CYFIP1: variants seen among roughly 807,000 people sequenced by gnomAD.
The protein encoded by CYFIP1 is cytoplasmic FMR1-interacting protein 1.
CYFIP1 carries 58 observed loss-of-function variants against 163.5 expected under a neutral mutation model. The observed-to-expected ratio is 0.35, with a 90% CI of 0.29 to 0.44. The LOEUF (loss-of-function observed/expected upper bound fraction) is 0.44. CYFIP1 is among the 20% of genes least tolerant of loss of function. The pLI, the probability that CYFIP1 is intolerant of heterozygous loss-of-function variation, is 1.00. For missense variants in CYFIP1, 1,338 were observed against 1,653.8 expected, an observed-to-expected ratio of 0.81 and a Z score of 3.31; for synonymous variants, 663 against 660.7, an observed-to-expected ratio of 1.00 and a Z score of -0.05.
At chr15:22,931,378 A>G (rs550442219) in intron 11 of CYFIP1, among the ~76,000 whole-genome samples, 5 of 152,216 alleles carry the variant, frequency 3.3e-5, no homozygotes, top group African/African-American at 9.6e-5. Context: ...GGAAGGAACT[A>G]AAGAGAAAGC....
rs1046574792 is a variant in CYFIP1 at position 22,915,142 on chromosome 15, T to G, written c.1829-260A>C. On this transcript the variant is annotated intron_variant, in intron 16 of 30. Coordinates refer to ENST00000617928, the MANE Select transcript of CYFIP1 (RefSeq NM_014608.6). ...AGGGGGAAAGTGTCTTTTTTTTTTTTTTGAGACAGAGTCTATCTCACTCTG... is the reference window on the plus strand; with the variant it reads ...AGGGGGAAAGTGTCTTTTTTTTTTTGTTGAGACAGAGTCTATCTCACTCTG... 13 of 359,476 alleles carry G rather than the reference T, an allele frequency of 3.6e-5. 1 individual carries two copies. The highest frequency in any genetic ancestry group is 5.9e-5 in the Non-Finnish European group (12 of 202,110). 22.3% of individuals were successfully genotyped at this position (359,476 alleles called of 1,614,324 possible). A position where few individuals can be genotyped will look rare whatever the true frequency, so the allele number is the denominator to read the frequency against.
chr15:22,883,149 T>A, intron 23 of CYFIP1, 138 bp from the exon 24 acceptor site: 1 of 956,838 alleles, frequency 1.0e-6, no homozygotes. Flanking sequence ...TCTACTGCCC[T>A]TAACTGGTAC....
chr15:22,979,132 A>G, intron 1 of CYFIP1, among the ~76,000 whole-genome samples: 1 of 152,148 alleles, frequency 6.6e-6, no homozygotes, highest in East Asian at 1.9e-4. Context: ...CACCGGCACT[A>G]TATCCCTACT....
intron 20 of CYFIP1, among the ~76,000 whole-genome samples, chr15:22,910,005 G>A (rs2060729995): frequency 7.1e-6 from 1 of 141,774 alleles, no homozygotes. Context: ...AGGAGCCGCA[G>A]GGCAGATACA....
intron 1 of CYFIP1, among the ~76,000 whole-genome samples, chr15:22,974,992 T>C (rs1377805373): frequency 6.6e-6 from 1 of 152,024 alleles, no homozygotes; most frequent in Non-Finnish European, 1.5e-5. Flanking sequence ...GCCTGCTCAC[T>C]GTGAGCTTTT....
chr15:22,928,244 A>G (rs113437758), intron 11 of CYFIP1, among the ~76,000 whole-genome samples: 14 of 152,268 alleles, frequency 9.2e-5, no homozygotes, highest in East Asian at 3.9e-4. Flanking sequence ...TTAGCTGGGC[A>G]TGGTGGCGGG....
chr15:22,870,304 T>C, intron 30 of CYFIP1, 112 bp from the exon 31 acceptor site: 1 of 1,316,876 alleles, frequency 7.6e-7, no homozygotes, highest in Non-Finnish European at 1.1e-6. Context: ...GCAAACGGAA[T>C]TGACACACAT....
Position 22,870,336 on chromosome 15 carries a change from T to C in CYFIP1, c.3598-144A>G, listed in dbSNP as rs1412210817. Reference sequence around the variant, plus strand: ...ACATACTGTTCTTTTTGGGTTTTTTTTTGTAAGATAGGGTCTCACTCTGAC... The same window carrying C: ...ACATACTGTTCTTTTTGGGTTTTTTCTTGTAAGATAGGGTCTCACTCTGAC... On this transcript the variant is annotated intron_variant, in intron 30 of 30. Transcript: ENST00000617928. The C allele has an allele frequency of 4.0e-6, 4 of 995,214 alleles. No homozygotes were observed. In the African/African-American group the frequency reaches 6.8e-5, roughly 17 times the overall value. 61.6% of individuals were successfully genotyped at this position (995,214 alleles called of 1,614,324 possible).
intron 13 of CYFIP1, among the ~76,000 whole-genome samples, chr15:22,920,510 T>C (rs1337307657): frequency 6.6e-6 from 1 of 151,500 alleles, no homozygotes; most frequent in Non-Finnish European, 1.5e-5. Flanking sequence ...AAGACGTGTC[T>C]GACAAGTACT....
intron 1 of CYFIP1, among the ~76,000 whole-genome samples, chr15:22,956,973 T>G (rs151236995): frequency 2.1e-4 from 32 of 152,370 alleles, no homozygotes; most frequent in Non-Finnish European, 3.4e-4. Context: ...AGTCATCTCT[T>G]TAGGTGTTAA....
At chr15:22,948,152 C>T (rs376313960) in intron 1 of CYFIP1, 81 of 200,122 alleles carry the variant, frequency 4.0e-4, no homozygotes, top group African/African-American at 1.9e-3. Context: ...AGTCCCACTG[C>T]ACTGGCTGAG....
chr15:22,928,475 C>T (rs2061429762), intron 11 of CYFIP1, among the ~76,000 whole-genome samples: 3 of 152,110 alleles, frequency 2.0e-5, no homozygotes, highest in Admixed American at 2.0e-4. Context: ...ACCCTCCTCC[C>T]GGGAAAATGG....
chr15:22,892,212 T>TG (rs1420649513), intron 23 of CYFIP1, among the ~76,000 whole-genome samples: 1 of 152,242 alleles, frequency 6.6e-6, no homozygotes, highest in African/African-American at 2.4e-5. Flanking sequence ...TCTATTTTTG[T>TG]GGGGTATCTG....
At chr15:22,904,342 G>T in intron 21 of CYFIP1, 1 of 247,922 alleles carries the variant, frequency 4.0e-6, no homozygotes, top group South Asian at 5.3e-5. Flanking sequence ...CAGGGCAGGT[G>T]CACTTGTTCC....
chr15:22,869,852 C>T lies in CYFIP1; in HGVS notation c.*176G>A. 2.0e-6 allele frequency: 1 copy of T among 501,024 alleles called. No homozygotes were observed. Among genetic ancestry groups the T allele is most frequent in the Non-Finnish European group, 3.3e-6 (1 of 307,610 alleles). The allele number at this position is 501,024 out of a possible 1,614,324, so 31.0% of individuals were successfully genotyped here. On this transcript the variant is annotated 3_prime_UTR_variant, in exon 31 of 31. Coordinates refer to ENST00000617928, the MANE Select transcript of CYFIP1 (RefSeq NM_014608.6). ...CTCAAGAGTTCCTAATTACCAAAAG[C>T]ATATACAATTTTAGTCTAGAAAAAT...
intron 5 of CYFIP1, among the ~76,000 whole-genome samples, chr15:22,944,350 G>A (rs532581238): frequency 3.3e-5 from 5 of 151,780 alleles, no homozygotes; most frequent in Non-Finnish European, 5.9e-5. Flanking sequence ...TCTCAGAGAA[G>A]AGAAGTGAAC....
intron 23 of CYFIP1, among the ~76,000 whole-genome samples, chr15:22,890,917 G>A (rs375576691): frequency 1.4e-4 from 21 of 152,268 alleles, no homozygotes; most frequent in African/African-American, 4.8e-4. Context: ...TGTTCTCCAG[G>A]CATTGGCGAC....
At chr15:22,883,763 G>C (rs996058681) in intron 23 of CYFIP1, among the ~76,000 whole-genome samples, 7 of 145,848 alleles carry the variant, frequency 4.8e-5, no homozygotes, top group Non-Finnish European at 8.9e-5. Flanking sequence ...CTTGCAGTGA[G>C]CCGAGATCGC....
intron 22 of CYFIP1, among the ~76,000 whole-genome samples, chr15:22,894,559 G>T (rs1360379364): frequency 1.3e-5 from 2 of 151,200 alleles, no homozygotes; most frequent in East Asian, 1.9e-4. Context: ...CGAAGTGCTG[G>T]GATTACAGGC....
Sources: allele counts gnomAD v4.1 joint callset (sites outside exome capture counted in the v4.1 genomes callset), GRCh38; gene constraint gnomAD v4.1.1; transcripts MANE v1.5; gene names NCBI Gene and HGNC (gene_info 2026-07-23, HGNC 2026-07-21).